PLCB1: variants seen among roughly 807,000 people sequenced by gnomAD.
PLCB1 encodes 1-phosphatidylinositol 4,5-bisphosphate phosphodiesterase beta-1.
Under a neutral mutation model 161.8 loss-of-function variants are expected in PLCB1, and 46 were observed. The observed-to-expected ratio is 0.28, with a 90% confidence interval of 0.22 to 0.36. The LOEUF is 0.36. Ranked by LOEUF, PLCB1 falls within the 10% of genes least tolerant of loss-of-function variation. PLCB1 has a pLI of 1.00. For synonymous variants in PLCB1, 517 were observed against 503.7 expected, an observed-to-expected ratio of 1.03 and a Z score of -0.35; for missense variants, 1,016 against 1,472.5, an observed-to-expected ratio of 0.69 and a Z score of 5.07.
At chr20:8,844,195 C>T (rs1217047246) in intron 31 of PLCB1, among the ~76,000 whole-genome samples, 2 of 152,220 alleles carry the variant, frequency 1.3e-5, no homozygotes, top group East Asian at 1.9e-4. Context: ...AAGGAGAAAA[C>T]GTCAGCTCTC....
At chr20:8,744,612 AAAAT>A (rs935133284) in intron 23 of PLCB1, among the ~76,000 whole-genome samples, 2,162 of 86,772 alleles carry the variant, frequency 0.025, 58 homozygotes, top group African/African-American at 0.09. Flanking sequence ...TCTTAAAAAT[AAAAT>A]AAATAAAATA....
At chr20:8,805,444 G>A (rs532654312) in intron 31 of PLCB1, among the ~76,000 whole-genome samples, 2 of 152,232 alleles carry the variant, frequency 1.3e-5, no homozygotes, top group South Asian at 2.1e-4. Flanking sequence ...TTTATTCTAG[G>A]ATATGCCAAT....
intron 3 of PLCB1, among the ~76,000 whole-genome samples, chr20:8,402,591 T>C (rs1978602325): frequency 6.6e-6 from 1 of 151,848 alleles, no homozygotes; most frequent in African/African-American, 2.4e-5. Context: ...TCCCAGCACT[T>C]TGGGAGGCCG....
intron 31 of PLCB1, among the ~76,000 whole-genome samples, chr20:8,801,894 A>G (rs555582412): frequency 2.8e-4 from 42 of 152,260 alleles, no homozygotes; most frequent in Non-Finnish European, 3.7e-4. Flanking sequence ...GTGCCTTGTC[A>G]CACTGGGGGT....
At chr20:8,777,189 T>C (rs1014487827) in intron 27 of PLCB1, among the ~76,000 whole-genome samples, 1 of 152,112 alleles carries the variant, frequency 6.6e-6, no homozygotes, top group Non-Finnish European at 1.5e-5. Flanking sequence ...CCTCTGTGTT[T>C]TCACTAGGAG....
At chr20:8,261,617 A>T (rs1398029714) in intron 2 of PLCB1, among the ~76,000 whole-genome samples, 1 of 152,086 alleles carries the variant, frequency 6.6e-6, no homozygotes, top group Non-Finnish European at 1.5e-5. Context: ...AAATTTATGG[A>T]GACTTTTATC....
At chr20:8,713,402 C>T (rs931099128) in intron 12 of PLCB1, among the ~76,000 whole-genome samples, 11 of 152,148 alleles carry the variant, frequency 7.2e-5, no homozygotes, top group Admixed American at 6.5e-4. Flanking sequence ...AGGCCGATCT[C>T]GAACTCCTGA....
chr20:8,510,094 T>C (rs547387402), intron 3 of PLCB1, among the ~76,000 whole-genome samples: 1 of 152,320 alleles, frequency 6.6e-6, no homozygotes, highest in South Asian at 2.1e-4. Context: ...GTAGATTTTG[T>C]AGGTGATAAG....
chr20:8,235,893 G>A (rs1216160401), intron 2 of PLCB1, among the ~76,000 whole-genome samples: 1 of 151,878 alleles, frequency 6.6e-6, no homozygotes, highest in African/African-American at 2.4e-5. Context: ...AAATCTTAAG[G>A]CGTGTATAGG....
chr20:8,772,694 A>G (rs6140712), intron 26 of PLCB1, among the ~76,000 whole-genome samples: 42,869 of 151,888 alleles, frequency 0.28, 7,323 homozygotes, highest in East Asian at 0.5. Flanking sequence ...GCACTTTGGG[A>G]GGCCGAGGTG....
chr20:8,341,426 T>A (rs1164363215), intron 2 of PLCB1, among the ~76,000 whole-genome samples: 1 of 152,182 alleles, frequency 6.6e-6, no homozygotes, highest in Non-Finnish European at 1.5e-5. Context: ...ACTTGACCCC[T>A]TAGGCTCACT....
chr20:8,435,629 C>T (rs1282155450), intron 3 of PLCB1, among the ~76,000 whole-genome samples: 1 of 152,142 alleles, frequency 6.6e-6, no homozygotes, highest in African/African-American at 2.4e-5. Context: ...AGCCCTCAGT[C>T]ACAGAGCTCA....
intron 3 of PLCB1, among the ~76,000 whole-genome samples, chr20:8,548,283 TTC>T (rs1317133761): frequency 6.9e-6 from 1 of 144,134 alleles, no homozygotes; most frequent in African/African-American, 2.5e-5. Flanking sequence ...CATTTTTTCT[TTC>T]TTTCTTTGTT....
chr20:8,873,351 A>G (rs1246183223), intron 31 of PLCB1, among the ~76,000 whole-genome samples: 1 of 152,156 alleles, frequency 6.6e-6, no homozygotes, highest in African/African-American at 2.4e-5. Context: ...TGCATTTCCC[A>G]TTGCTTTTAA....
chr20:8,612,229 C>T (rs1005928163), intron 3 of PLCB1, among the ~76,000 whole-genome samples: 10 of 152,012 alleles, frequency 6.6e-5, no homozygotes, highest in Admixed American at 2.0e-4. Flanking sequence ...GAATAAAAAA[C>T]ACAAATGAAA....
intron 2 of PLCB1, among the ~76,000 whole-genome samples, chr20:8,243,957 T>G (rs1980742755): frequency 6.6e-6 from 1 of 151,826 alleles, no homozygotes; most frequent in South Asian, 2.1e-4. Flanking sequence ...AAGAATAGGT[T>G]TTTACTAATT....
At chr20:8,713,861 G>C (rs1306052537) in intron 12 of PLCB1, among the ~76,000 whole-genome samples, 1 of 152,120 alleles carries the variant, frequency 6.6e-6, no homozygotes, top group Admixed American at 6.5e-5. Context: ...CATGGCTCCA[G>C]TAAAATCTTT....
At chr20:8,505,006 A>G (rs1983577805) in intron 3 of PLCB1, among the ~76,000 whole-genome samples, 1 of 152,152 alleles carries the variant, frequency 6.6e-6, no homozygotes, top group South Asian at 2.1e-4. Flanking sequence ...AGCTAGGACT[A>G]CATCACCAAG....
rs76572599 is a variant in PLCB1, at chr20:8,719,343, C to T, written c.1513+1495C>T. Among the ~76,000 whole-genome samples, 847 of 152,136 alleles carry T rather than the reference C, an allele frequency of 5.6e-3. 34 individuals carry two copies. In the East Asian group the frequency reaches 0.099, roughly 18 times the overall value. ...GCTAAAGATGTGTATTTAGGTTTAC[C>T]AAGAGACACGTACAAGAATTGCTTA... On this transcript the variant is annotated intron_variant, in intron 14 of 31. Transcript: ENST00000338037.
Sources: gnomAD v4.1 joint callset for allele counts (sites outside exome capture counted in the v4.1 genomes callset) on GRCh38, gnomAD v4.1.1 for gene constraint, MANE v1.5 for transcripts, NCBI Gene and HGNC (gene_info 2026-07-23, HGNC 2026-07-21) for gene names.